The following OSBPL10 variants were observed in gnomAD, a reference collection of about 807,000 sequenced individuals.
The protein encoded by OSBPL10 is oxysterol binding protein like 10.
OSBPL10 carries 49 observed loss-of-function variants against 81.7 expected under a neutral mutation model. The observed-to-expected ratio is 0.60, with a 90% confidence interval of 0.48 to 0.76. The LOEUF is 0.76. Among genes scored for constraint, OSBPL10 ranks in the 30% least tolerant of loss-of-function variants. The pLI is 0.00. For missense variants in OSBPL10, 923 were observed against 987.8 expected, an observed-to-expected ratio of 0.93 and a Z score of 0.88; for synonymous variants, 419 against 383.6, an observed-to-expected ratio of 1.09 and a Z score of -1.08.
rs532571277 is a variant in OSBPL10, at chr3:32,013,102, C to T, written n.298+33389G>A. On this transcript the variant is annotated intron_variant and non_coding_transcript_variant, in intron 2 of 3. Coordinates refer to the OSBPL10 transcript ENST00000479173. ...CTCTGCACCAAGCGGACCTAATAGA[C>T]ATCTACAGAACTCTCCACCCCAAAT... Among the ~76,000 whole-genome samples, 903 of 152,282 alleles carry T rather than the reference C, an allele frequency of 5.9e-3. 7 individuals carry two copies. The highest frequency in any genetic ancestry group is 0.02 in the African/African-American group (852 of 41,564).
intron 4 of OSBPL10, among the ~76,000 whole-genome samples, chr3:31,774,743 C>A (rs1040108178): frequency 6.6e-6 from 1 of 151,142 alleles, no homozygotes; most frequent in African/African-American, 2.4e-5. Context: ...GCACTCCTGA[C>A]CTCATGATGG....
Position 31,670,783 on chromosome 3 carries a change from C to T in OSBPL10, c.1913+14G>A, listed in dbSNP as rs200516987. ...TGTTAAGACAAAGCCAGAGTCTCTC[C>T]GGCCAGCTCCTACCTGTGGACTTTC... On this transcript the variant is annotated intron_variant, in intron 9 of 11. Transcript: ENST00000396556. 84 of 1,606,210 alleles carry T rather than the reference C, an allele frequency of 5.2e-5. No individual in the cohort carries two copies. The highest frequency in any genetic ancestry group is 2.4e-4 in the South Asian group (22 of 89,824).
At chr3:32,032,233 A>G (rs1356301305) in intron 2 of OSBPL10, among the ~76,000 whole-genome samples, 1 of 152,180 alleles carries the variant, frequency 6.6e-6, no homozygotes, top group Non-Finnish European at 1.5e-5. Flanking sequence ...AGCCTGGCCA[A>G]CATGGCAAAA....
At chr3:31,869,301 C>T (rs567630120) in intron 3 of OSBPL10, among the ~76,000 whole-genome samples, 1 of 152,182 alleles carries the variant, frequency 6.6e-6, no homozygotes, top group African/African-American at 2.4e-5. Context: ...TCACTCTGAA[C>T]CCCACAATAT....
chr3:31,909,008 T>A (rs144179751), intron 1 of OSBPL10, among the ~76,000 whole-genome samples: 4 of 152,382 alleles, frequency 2.6e-5, no homozygotes, highest in African/African-American at 9.6e-5. Flanking sequence ...AAGTATCATT[T>A]AGCTAAGAAG....
chr3:32,031,382 G>C (rs79286436), intron 2 of OSBPL10, among the ~76,000 whole-genome samples: 2,716 of 151,932 alleles, frequency 0.018, 84 homozygotes, highest in African/African-American at 0.061. Context: ...TTAAAGATGT[G>C]ATTTGAATCA....
At chr3:31,883,121 T>A (rs1695635537) in intron 1 of OSBPL10, among the ~76,000 whole-genome samples, 1 of 152,120 alleles carries the variant, frequency 6.6e-6, no homozygotes, top group Non-Finnish European at 1.5e-5. Context: ...TGAACAATCA[T>A]CCTTTCAAGC....
intron 8 of OSBPL10, among the ~76,000 whole-genome samples, chr3:31,676,171 T>G (rs962579474): frequency 2.6e-5 from 4 of 152,118 alleles, no homozygotes; most frequent in African/African-American, 9.7e-5. Flanking sequence ...TTGAAGGCAC[T>G]GGCAAGACCA....
chr3:31,956,614 G>A (rs1698014855), intron 1 of OSBPL10, among the ~76,000 whole-genome samples: 1 of 152,116 alleles, frequency 6.6e-6, no homozygotes, highest in South Asian at 2.1e-4. Flanking sequence ...TGTATTCCCA[G>A]CCACTCAGGA....
intron 1 of OSBPL10, among the ~76,000 whole-genome samples, chr3:31,922,313 T>C (rs1191774257): frequency 1.3e-5 from 2 of 152,180 alleles, no homozygotes; most frequent in African/African-American, 4.8e-5. Flanking sequence ...CTCTCTATTA[T>C]CCAATCAGTT....
chr3:32,041,637 CTCTT>C (rs549471980), intron 2 of OSBPL10, among the ~76,000 whole-genome samples: 1,093 of 89,404 alleles, frequency 0.012, 11 homozygotes, highest in African/African-American at 0.029. Flanking sequence ...TTCTTTCTTT[CTCTT>C]TCTTTCTTTT....
chr3:31,841,297 C>G (rs1389851674), intron 3 of OSBPL10, among the ~76,000 whole-genome samples: 2 of 152,206 alleles, frequency 1.3e-5, no homozygotes, highest in East Asian at 3.9e-4. Flanking sequence ...GTAAACAGAG[C>G]CAACAAGATT....
chr3:31,937,468 A>G (rs1697408799), intron 1 of OSBPL10, among the ~76,000 whole-genome samples: 1 of 152,182 alleles, frequency 6.6e-6, no homozygotes, highest in African/African-American at 2.4e-5. Context: ...GGTCCAGCAG[A>G]GCACTTCTCA....
At chr3:31,694,966 C>T (rs1222052617) in intron 7 of OSBPL10, among the ~76,000 whole-genome samples, 1 of 152,176 alleles carries the variant, frequency 6.6e-6, no homozygotes, top group Admixed American at 6.5e-5. Flanking sequence ...GTTGGTCAGG[C>T]TGGTCTCAAA....
chr3:31,951,816 T>A (rs988817043), intron 1 of OSBPL10, among the ~76,000 whole-genome samples: 3 of 152,004 alleles, frequency 2.0e-5, no homozygotes, highest in Admixed American at 6.5e-5. Context: ...ACTTTACACA[T>A]CCAGTTAAGT....
chr3:31,792,785 TCA>T (rs1409473271), intron 4 of OSBPL10, among the ~76,000 whole-genome samples: 6 of 139,688 alleles, frequency 4.3e-5, no homozygotes, highest in African/African-American at 8.1e-5. Context: ...GTAAAAATTC[TCA>T]GTTATCCAGA....
At chr3:31,978,473 C>T (rs1698743733) in intron 1 of OSBPL10, among the ~76,000 whole-genome samples, 1 of 152,136 alleles carries the variant, frequency 6.6e-6, no homozygotes, top group South Asian at 2.1e-4. Flanking sequence ...TTCTCTCTTC[C>T]TTTTCACTAA....
At chr3:31,819,560 G>A (rs1213181498) in intron 4 of OSBPL10, among the ~76,000 whole-genome samples, 1 of 152,154 alleles carries the variant, frequency 6.6e-6, no homozygotes, top group Non-Finnish European at 1.5e-5. Flanking sequence ...TAGGAGTGAG[G>A]CATACAGAGA....
At chr3:31,801,069 G>A (rs371475631) in intron 4 of OSBPL10, among the ~76,000 whole-genome samples, 18 of 151,948 alleles carry the variant, frequency 1.2e-4, no homozygotes, top group African/African-American at 3.6e-4. Context: ...ACAGAGGGAC[G>A]GGGAGACTTA....
Sources: gnomAD v4.1 joint callset for allele counts (sites outside exome capture counted in the v4.1 genomes callset) on GRCh38, gnomAD v4.1.1 for gene constraint, MANE v1.5 for transcripts, NCBI Gene and HGNC (gene_info 2026-07-23, HGNC 2026-07-21) for gene names.